PXDNL: variants seen among roughly 807,000 people sequenced by gnomAD.
PXDNL encodes the protein probable oxidoreductase PXDNL.
Under a neutral mutation model 150.8 loss-of-function variants are expected in PXDNL, and 145 were observed. That is an observed-to-expected ratio of 0.96 (90% CI 0.84 to 1.10). The LOEUF (loss-of-function observed/expected upper bound fraction) is 1.10, where lower values mean the gene tolerates loss of function less well. Ranked by LOEUF, PXDNL falls within the 50% of genes least tolerant of loss-of-function variation. The pLI is 0.00. For missense variants in PXDNL, 2,087 were observed against 1,873.9 expected (o/e 1.11, Z -2.10); for synonymous variants, 757 against 725.7 (o/e 1.04, Z -0.69).
intron 9 of PXDNL, among the ~76,000 whole-genome samples, chr8:51,455,152 G>A (rs1486571190): frequency 6.7e-6 from 1 of 149,524 alleles, no homozygotes. Flanking sequence ...GGAAAGTATA[G>A]GGAAAGTTAT....
At chr8:51,535,669 A>T (rs983697425) in intron 4 of PXDNL, among the ~76,000 whole-genome samples, 2 of 142,014 alleles carry the variant, frequency 1.4e-5, no homozygotes, top group Non-Finnish European at 3.0e-5. Context: ...TTGTCCTATG[A>T]CCCTGCCAAA....
intron 17 of PXDNL, among the ~76,000 whole-genome samples, chr8:51,377,618 G>C (rs1406704390): frequency 1.3e-5 from 2 of 152,206 alleles, no homozygotes; most frequent in South Asian, 4.1e-4. Context: ...AGAGCAGCTC[G>C]CCGGCACCAC....
chr8:51,773,537 C>G (rs1465786692), intron 1 of PXDNL, among the ~76,000 whole-genome samples: 2 of 152,166 alleles, frequency 1.3e-5, no homozygotes. Context: ...ACCAATAGCC[C>G]AAACACCTTC....
At chr8:51,614,641 G>A (rs191915022) in intron 2 of PXDNL, among the ~76,000 whole-genome samples, 25 of 152,204 alleles carry the variant, frequency 1.6e-4, no homozygotes, top group African/African-American at 6.0e-4. Flanking sequence ...GTATTATAGA[G>A]ATCAACTTAT....
intron 6 of PXDNL, among the ~76,000 whole-genome samples, chr8:51,475,833 G>A (rs1404254205): frequency 9.3e-5 from 14 of 151,256 alleles, no homozygotes; most frequent in Admixed American, 9.2e-4. Flanking sequence ...TTATAACTAT[G>A]AGTACCCAAT....
At chr8:51,720,569 T>A (rs1816709361) in intron 1 of PXDNL, among the ~76,000 whole-genome samples, 1 of 152,242 alleles carries the variant, frequency 6.6e-6, no homozygotes, top group Non-Finnish European at 1.5e-5. Flanking sequence ...TGTGCTATCC[T>A]GATATTCTGT....
chr8:51,656,583 A>G (rs1055675750), intron 1 of PXDNL, among the ~76,000 whole-genome samples: 7 of 152,202 alleles, frequency 4.6e-5, no homozygotes, highest in Non-Finnish European at 8.8e-5. Flanking sequence ...AATCCTAATA[A>G]TTCTCCCAAA....
intron 5 of PXDNL, among the ~76,000 whole-genome samples, chr8:51,487,583 A>G (rs1810793895): frequency 6.6e-6 from 1 of 152,308 alleles, no homozygotes. Flanking sequence ...TTTCTGCCGG[A>G]GCACCAAGCT....
In PXDNL at chr8:51,680,826, A is replaced by G. The variant is rs144501929; in HGVS notation, c.165-26066T>C. ...TCTGTCTCATAGGACTGTTGTGAAG[A>G]TATGTGATTAAGGGAATTAATGAGG... On this transcript the variant is annotated intron_variant, in intron 1 of 22. Transcript: ENST00000356297. Among the ~76,000 whole-genome samples the G allele has an allele frequency of 1.2e-3, 180 of 152,256 alleles. No homozygotes were observed. In the East Asian group the frequency reaches 0.014, roughly 12 times the overall value.
chr8:51,443,719 G>A (rs930829945), intron 12 of PXDNL, among the ~76,000 whole-genome samples: 1 of 152,168 alleles, frequency 6.6e-6, no homozygotes, highest in South Asian at 2.1e-4. Flanking sequence ...TAGAAGAACT[G>A]CTTTCAAATT....
At chr8:51,479,945 G>A (rs1052541119) in intron 6 of PXDNL, among the ~76,000 whole-genome samples, 3 of 152,132 alleles carry the variant, frequency 2.0e-5, no homozygotes, top group African/African-American at 7.2e-5. Context: ...AGAACACCAA[G>A]AAGACTGGGA....
chr8:51,597,710 AT>A (rs1813604414), intron 2 of PXDNL, among the ~76,000 whole-genome samples: 1 of 136,134 alleles, frequency 7.3e-6, no homozygotes, highest in African/African-American at 2.8e-5. Context: ...ATAGGATTGC[AT>A]TTTTTTTCTT....
intron 8 of PXDNL, among the ~76,000 whole-genome samples, chr8:51,466,643 C>T (rs1264491183): frequency 2.6e-5 from 4 of 152,148 alleles, no homozygotes; most frequent in Admixed American, 6.5e-5. Flanking sequence ...ACAAACTACA[C>T]ATCTGACAAA....
chr8:51,472,276 C>G lies in PXDNL; in HGVS notation c.723G>C (p.Gln241His). 6.2e-7 allele frequency: 1 copy of G among 1,613,030 alleles called. No individual in the cohort carries two copies. The highest frequency in any genetic ancestry group is 8.5e-7 in the Non-Finnish European group (1 of 1,179,224). ...CQSPRITFEP[Q>H]DVEVPSGNTV... ...TATTTCCTGATGGTACCTCCACATC[C>G]TGCGGCTCAAAAGTAATTCGGGGGC... The change falls in exon 8 of 23, where the codon CAG becomes CAC. Residue 241 changes from glutamine to histidine, a missense_variant. Transcript: ENST00000356297.
chr8:51,618,996 C>T (rs1814184244), intron 2 of PXDNL, among the ~76,000 whole-genome samples: 1 of 152,152 alleles, frequency 6.6e-6, no homozygotes, highest in Non-Finnish European at 1.5e-5. Flanking sequence ...AGAGTATGAC[C>T]TGTAACATAG....
In PXDNL at chr8:51,744,041, G is replaced by A. The variant is rs1186567366; in HGVS notation, c.164+65140C>T. Among the ~76,000 whole-genome samples, 3 of 29,112 alleles carry A rather than the reference G, an allele frequency of 1.0e-4. No homozygotes were observed. The Admixed American group carries it at 1.1e-3, about 11-fold the overall frequency. 19.1% of individuals were successfully genotyped at this position (29,112 alleles called of 152,430 possible). A position where few individuals can be genotyped will look rare whatever the true frequency, so the allele number is the denominator to read the frequency against. On this transcript the variant is annotated intron_variant, in intron 1 of 22. Coordinates refer to ENST00000356297, the MANE Select transcript of PXDNL (RefSeq NM_144651.5). ...GAAAGAAGAAGAGGGAAGGAAGGAA[G>A]GAAGGAAGGAAGGAAGGAAGGAAGG...
intron 1 of PXDNL, among the ~76,000 whole-genome samples, chr8:51,728,298 A>G (rs1816855783): frequency 6.6e-6 from 1 of 152,234 alleles, no homozygotes; most frequent in Non-Finnish European, 1.5e-5. Context: ...TATGTGACTG[A>G]TTTATATACT....
chr8:51,785,550 T>C lies in PXDNL; in HGVS notation c.164+23631A>G, dbSNP rs552137005. On this transcript the variant is annotated intron_variant, in intron 1 of 22. Transcript: ENST00000356297. ...GTGTTTCTGTATCATATTTGGGTAA[T>C]TCTCCCAATATTTCAAATGTTTTCA... 3.3e-5 allele frequency among the ~76,000 whole-genome samples: 5 copies of C among 152,338 alleles called. No homozygotes were observed. The East Asian group carries it at 9.6e-4, about 29-fold the overall frequency.
At chr8:51,634,607 T>A (rs530230715) in intron 2 of PXDNL, among the ~76,000 whole-genome samples, 20 of 152,300 alleles carry the variant, frequency 1.3e-4, no homozygotes, top group African/African-American at 2.6e-4. Flanking sequence ...TTCCAATCCA[T>A]GAGCATGGAC....
Sources: gnomAD v4.1 joint callset for allele counts (sites outside exome capture counted in the v4.1 genomes callset) on GRCh38, gnomAD v4.1.1 for gene constraint, MANE v1.5 for transcripts, NCBI Gene and HGNC (gene_info 2026-07-23, HGNC 2026-07-21) for gene names.